The following GPC5 variants were observed in gnomAD, a reference collection of about 807,000 sequenced individuals.
The protein encoded by GPC5 is glypican 5, also known as glypican-5.
A neutral mutation model predicts 53.9 loss-of-function variants in GPC5; 47 were observed. The ratio of observed to expected loss-of-function variants is 0.87; its 90% CI spans 0.69 to 1.11. GPC5 has a LOEUF of 1.11. Among genes scored for constraint, GPC5 ranks in the 50% most tolerant of loss-of-function variants. The pLI is 0.00. For missense variants in GPC5, 748 were observed against 713.1 expected, an observed-to-expected ratio of 1.05 and a Z score of -0.56; for synonymous variants, 286 against 263.3, an observed-to-expected ratio of 1.09 and a Z score of -0.84.
chr13:92,261,370 A>G (rs2042765850), intron 7 of GPC5, among the ~76,000 whole-genome samples: 1 of 152,146 alleles, frequency 6.6e-6, no homozygotes, highest in Admixed American at 6.6e-5. Context: ...ATTTGAAGTC[A>G]GACTTCTCAG....
chr13:92,609,755 G>A (rs771641812), intron 7 of GPC5, among the ~76,000 whole-genome samples: 151 of 151,966 alleles, frequency 9.9e-4, no homozygotes, highest in Non-Finnish European at 1.8e-3. Context: ...AGTTCAGGCC[G>A]GCATGTTGGC....
At chr13:91,654,383 G>A (rs559592486) in intron 2 of GPC5, among the ~76,000 whole-genome samples, 5 of 152,020 alleles carry the variant, frequency 3.3e-5, no homozygotes, top group Non-Finnish European at 7.4e-5. Flanking sequence ...TTAAATAATG[G>A]ATTCGGTAAG....
intron 7 of GPC5, among the ~76,000 whole-genome samples, chr13:92,319,677 TTAATA>T (rs781224475): frequency 2.0e-5 from 3 of 152,156 alleles, no homozygotes; most frequent in Non-Finnish European, 4.4e-5. Context: ...AACTACCTTC[TTAATA>T]TAATAAGTAG....
chr13:91,943,955 T>C (rs2039951474), intron 6 of GPC5, among the ~76,000 whole-genome samples: 1 of 152,166 alleles, frequency 6.6e-6, no homozygotes, highest in African/African-American at 2.4e-5. Context: ...TGATTACAAC[T>C]CAAAATATGA....
chr13:91,827,637 A>T (rs375504206), intron 5 of GPC5, among the ~76,000 whole-genome samples: 2 of 152,074 alleles, frequency 1.3e-5, no homozygotes, highest in African/African-American at 4.8e-5. Flanking sequence ...AGAAATGTAA[A>T]TCAAGACTGC....
chr13:91,592,190 G>A (rs535278404), intron 2 of GPC5, among the ~76,000 whole-genome samples: 29 of 152,326 alleles, frequency 1.9e-4, no homozygotes, highest in African/African-American at 6.5e-4. Context: ...TTCACAGGGT[G>A]AGTATATTAG....
chr13:91,800,438 A>G (rs1248586834), intron 5 of GPC5, among the ~76,000 whole-genome samples: 1 of 149,598 alleles, frequency 6.7e-6, no homozygotes, highest in Non-Finnish European at 1.5e-5. Flanking sequence ...AACATATGTC[A>G]CTCAAATTCA....
At chr13:92,722,029 T>C (rs1433406067) in intron 7 of GPC5, among the ~76,000 whole-genome samples, 1 of 152,018 alleles carries the variant, frequency 6.6e-6, no homozygotes, top group Non-Finnish European at 1.5e-5. Context: ...ATTTTATTCA[T>C]ATCAAGGGAA....
At chr13:91,650,750 GT>G (rs67507888) in intron 2 of GPC5, among the ~76,000 whole-genome samples, 68,784 of 99,478 alleles carry the variant, frequency 0.69, 24,897 homozygotes, top group Non-Finnish European at 0.79. Flanking sequence ...ATTCCCATAA[GT>G]TTTTTTTTTT....
chr13:92,684,101 G>T (rs1423179288), intron 7 of GPC5, among the ~76,000 whole-genome samples: 1 of 151,820 alleles, frequency 6.6e-6, no homozygotes, highest in Non-Finnish European at 1.5e-5. Flanking sequence ...GGGGCCCCTC[G>T]AAATGACTGA....
chr13:91,595,014 A>C (rs1212121419), intron 2 of GPC5, among the ~76,000 whole-genome samples: 1 of 147,172 alleles, frequency 6.8e-6, no homozygotes, highest in Non-Finnish European at 1.5e-5. Context: ...TTATTTATTT[A>C]TTTATTTATT....
chr13:91,416,797 C>T (rs1878262717), intron 1 of GPC5, among the ~76,000 whole-genome samples: 1 of 152,160 alleles, frequency 6.6e-6, no homozygotes, highest in Non-Finnish European at 1.5e-5. Context: ...TTTTTTATGG[C>T]TGCATAGTAT....
intron 7 of GPC5, among the ~76,000 whole-genome samples, chr13:92,712,979 C>G (rs1888191576): frequency 6.6e-6 from 1 of 151,998 alleles, no homozygotes; most frequent in African/African-American, 2.4e-5. Flanking sequence ...TTCCAGCCTC[C>G]AAACCTGTGA....
At chr13:91,591,241 A>G (rs2032787064) in intron 2 of GPC5, among the ~76,000 whole-genome samples, 1 of 152,106 alleles carries the variant, frequency 6.6e-6, no homozygotes, top group Non-Finnish European at 1.5e-5. Context: ...TATAAGTGCT[A>G]CTCACCTCCT....
chr13:91,472,709 A>C (rs1882703968), intron 2 of GPC5, among the ~76,000 whole-genome samples: 1 of 152,206 alleles, frequency 6.6e-6, no homozygotes, highest in Non-Finnish European at 1.5e-5. Context: ...ATTATTGAAA[A>C]TGCTGAGGAT....
chr13:91,570,622 C>A (rs1225227565), intron 2 of GPC5, among the ~76,000 whole-genome samples: 1 of 152,106 alleles, frequency 6.6e-6, no homozygotes, highest in Non-Finnish European at 1.5e-5. Flanking sequence ...TGCTTTCGAG[C>A]AATTACCCAA....
chr13:91,750,797 G>T lies in GPC5; in HGVS notation c.1155-5498G>T, dbSNP rs2037158582. On this transcript the variant is annotated intron_variant, in intron 4 of 7. Coordinates refer to ENST00000377067, the MANE Select transcript of GPC5 (RefSeq NM_004466.6). ...CCGGCCTCAGCCTCCCGAGTAGCTG[G>T]GATTACAGGCCTGCGCCACCATGCC... is the stretch of plus-strand genomic sequence containing the variant. 2.0e-5 allele frequency among the ~76,000 whole-genome samples: 3 copies of T among 150,560 alleles called. No individual in the cohort carries two copies. The Admixed American group carries it at 2.0e-4, about 10-fold the overall frequency.
At chr13:92,251,509 A>AC (rs2042692545) in intron 7 of GPC5, among the ~76,000 whole-genome samples, 1 of 152,056 alleles carries the variant, frequency 6.6e-6, no homozygotes, top group Non-Finnish European at 1.5e-5. Flanking sequence ...AGCCTGAGGT[A>AC]GGGGAAAGAG....
chr13:91,418,891 G>A (rs1594062579), intron 1 of GPC5, among the ~76,000 whole-genome samples: 1 of 151,812 alleles, frequency 6.6e-6, no homozygotes, highest in Admixed American at 6.6e-5. Flanking sequence ...TGCTTGTCTT[G>A]TAACAGGAAC....
Sources: gnomAD v4.1 joint callset for allele counts (sites outside exome capture counted in the v4.1 genomes callset) on GRCh38, gnomAD v4.1.1 for gene constraint, MANE v1.5 for transcripts, NCBI Gene and HGNC (gene_info 2026-07-23, HGNC 2026-07-21) for gene names.